The following MYRFL variants were observed in gnomAD, a reference collection of about 807,000 sequenced individuals.
MYRFL encodes myelin regulatory factor like, also known as myelin regulatory factor-like protein.
In MYRFL, 88 loss-of-function variants were observed where a neutral mutation model predicts 109.4. The observed-to-expected ratio is 0.80, with a 90% CI of 0.68 to 0.96. The LOEUF is 0.96. Ranked by LOEUF, MYRFL falls within the 40% of genes least tolerant of loss-of-function variation. The probability of loss-of-function intolerance (pLI) is 0.00; values close to 1 mark genes in which losing one functional copy is unlikely to be tolerated. For missense variants in MYRFL, 957 were observed against 954.9 expected, an observed-to-expected ratio of 1.00 and a Z score of -0.03; for synonymous variants, 324 against 320.9, an observed-to-expected ratio of 1.01 and a Z score of -0.10.
chr12:69,879,425 C>T lies in MYRFL; in HGVS notation c.436C>T (p.Pro146Ser), dbSNP rs1448026498. ...SSHLGIGCSY[P>S]QQPLCHSPGA... ...CCATCTGGGGATAGGTTGTTCTTAC[C>T]CTCAGCAGCCTCTGTGTCACAGCCC... The change falls in exon 4 of 25, where the codon CCT becomes TCT. Residue 146 changes from proline (P) to serine (S), a missense_variant. By Grantham distance (74) the Pro-to-Ser change is moderately conservative. Coordinates refer to ENST00000552032, the MANE Select transcript of MYRFL (RefSeq NM_182530.3). 7.1e-6 allele frequency: 5 copies of T among 702,722 alleles called. No homozygotes were observed. Among genetic ancestry groups the T allele is most frequent in the Middle Eastern group, 2.3e-4 (1 of 4,362 alleles). 43.5% of individuals were successfully genotyped at this position (702,722 alleles called of 1,614,324 possible).
intron 14 of MYRFL, among the ~76,000 whole-genome samples, chr12:69,926,958 T>TTTTTTTTTTTTTTTC (rs1463613530): frequency 7.3e-6 from 1 of 137,926 alleles, no homozygotes; most frequent in Non-Finnish European, 1.6e-5. Context: ...TTTTTTTTTT[T>TTTTTTTTTTTTTTTC]TTTGAGCCTG....
chr12:69,956,304 A>G (rs1592907113), intron 22 of MYRFL, among the ~76,000 whole-genome samples: 1 of 152,130 alleles, frequency 6.6e-6, no homozygotes, highest in Admixed American at 6.5e-5. Flanking sequence ...CAGTGAGATG[A>G]GACATGTAAG....
At position 69,836,817 on chromosome 12, in the gene MYRFL, T is replaced by C. The variant is rs143770759; in HGVS notation, c.46+11254T>C. ...TGAGGAGGTCAGGTCTGTGAAACAA[T>C]GCTCAGGACCTGTCCTCCCCTTTGC... On this transcript the variant is annotated intron_variant, in intron 1 of 24. Transcript: ENST00000552032. 5.4e-3 allele frequency among the ~76,000 whole-genome samples: 828 copies of C among 152,312 alleles called. 8 individuals are homozygous for C. Among genetic ancestry groups the C allele is most frequent in the African/African-American group, 0.019 (781 of 41,564 alleles).
chr12:69,937,133 C>CACAT (rs895902377), intron 19 of MYRFL, among the ~76,000 whole-genome samples: 2 of 152,050 alleles, frequency 1.3e-5, no homozygotes, highest in Admixed American at 6.6e-5. Flanking sequence ...GACACACACA[C>CACAT]ACATACATAC....
At chr12:69,840,773 T>C (rs1174599838) in intron 1 of MYRFL, among the ~76,000 whole-genome samples, 1 of 152,202 alleles carries the variant, frequency 6.6e-6, no homozygotes, top group African/African-American at 2.4e-5. Context: ...TTCTGGATGT[T>C]TTCTGCTGTT....
intron 1 of MYRFL, among the ~76,000 whole-genome samples, chr12:69,835,766 G>A (rs2136314736): frequency 6.6e-6 from 1 of 152,340 alleles, no homozygotes; most frequent in South Asian, 2.1e-4. Context: ...GACAGGGGCA[G>A]TGGCTCGCTT....
intron 19 of MYRFL, 48 bp downstream of exon 19, chr12:69,936,680 G>GTT: frequency 7.1e-7 from 1 of 1,416,746 alleles, no homozygotes; most frequent in Non-Finnish European, 9.2e-7. Context: ...ACTTGAGGTT[G>GTT]TTTTTCTTGT....
intron 7 of MYRFL, 94 bp downstream of exon 7, chr12:69,891,260 A>C (rs1886781803): frequency 1.1e-6 from 1 of 934,692 alleles, no homozygotes; most frequent in Admixed American, 3.5e-5. Flanking sequence ...AAATGACTTA[A>C]AATAATAACA....
At chr12:69,849,915 T>C (rs1257945001) in intron 1 of MYRFL, among the ~76,000 whole-genome samples, 1 of 152,178 alleles carries the variant, frequency 6.6e-6, no homozygotes, top group Non-Finnish European at 1.5e-5. Context: ...GAAGGATATG[T>C]GGGTGGATGG....
At position 69,855,333 on chromosome 12, in the gene MYRFL, G is replaced by T. The variant is rs193116966; in HGVS notation, c.100G>T (p.Glu34Ter). The T allele has an allele frequency of 7.1e-6, 5 of 702,598 alleles. No homozygotes were observed. The East Asian group carries it at 1.3e-4, about 19-fold the overall frequency. 43.5% of individuals were successfully genotyped at this position (702,598 alleles called of 1,614,324 possible). Reference sequence around the variant, plus strand: ...CCCAGCCCTGGACACAAGTCTGTTGGAGGAATTTCTGGGCAATGACTTTGA... The same window carrying T: ...CCCAGCCCTGGACACAAGTCTGTTGTAGGAATTTCTGGGCAATGACTTTGA... ...ENPALDTSLL[E>*]EFLGNDFDLG... Residue 34 changes from glutamate to a stop codon, truncating the protein, a stop_gained, in exon 2 of 25, where the codon GAG (glutamate) becomes TAG (stop). Transcript: ENST00000552032. LOFTEE classifies it high-confidence loss of function.
In MYRFL at chr12:69,936,320, A is replaced by G. The variant is rs1393513527; in HGVS notation, c.2029A>G (p.Thr677Ala). Residue 677 changes from threonine (T) to alanine (A), a missense_variant, in exon 18 of 25, where the codon ACA becomes GCA. Coordinates refer to ENST00000552032, the MANE Select transcript of MYRFL (RefSeq NM_182530.3). Reference sequence around the variant, plus strand: ...CTCACAGGAGCCAGCTCTGCTGCCCACAGCCTCCTCCTCAGGTAAAGGCTT... The same window carrying G: ...CTCACAGGAGCCAGCTCTGCTGCCCGCAGCCTCCTCCTCAGGTAAAGGCTT... ...TSSQEPALLP[T>A]ASSSAPNTSL... The G allele has an allele frequency of 6.5e-7, 1 of 1,536,144 alleles. No individual in the cohort carries two copies. Among genetic ancestry groups the G allele is most frequent in the Non-Finnish European group, 8.7e-7 (1 of 1,146,928 alleles).
intron 1 of MYRFL, among the ~76,000 whole-genome samples, chr12:69,836,588 G>A (rs1489165393): frequency 6.6e-6 from 1 of 152,186 alleles, no homozygotes; most frequent in Non-Finnish European, 1.5e-5. Flanking sequence ...CTGTTAGCAT[G>A]AGCAGGCTAA....
intron 2 of MYRFL, among the ~76,000 whole-genome samples, chr12:69,861,253 G>T (rs1049005668): frequency 1.3e-5 from 2 of 151,906 alleles, no homozygotes; most frequent in Non-Finnish European, 2.9e-5. Flanking sequence ...AGTCCTTTGG[G>T]TATATACCCA....
chr12:69,841,843 T>C (rs1305033118), intron 1 of MYRFL, among the ~76,000 whole-genome samples: 2 of 152,218 alleles, frequency 1.3e-5, no homozygotes, highest in African/African-American at 4.8e-5. Flanking sequence ...CAGAAACTAA[T>C]GGTAATGACA....
chr12:69,906,986 C>G (rs1228537700), intron 11 of MYRFL, among the ~76,000 whole-genome samples: 1 of 152,122 alleles, frequency 6.6e-6, no homozygotes, highest in African/African-American at 2.4e-5. Context: ...AAGCAGACAC[C>G]CAAATTCAGT....
At chr12:69,837,892 G>A (rs555111134) in intron 1 of MYRFL, among the ~76,000 whole-genome samples, 1 of 152,304 alleles carries the variant, frequency 6.6e-6, no homozygotes, top group African/African-American at 2.4e-5. Flanking sequence ...CACCTGGAAG[G>A]AGGGAACTAT....
intron 1 of MYRFL, among the ~76,000 whole-genome samples, chr12:69,854,521 C>T (rs147078121): frequency 1.3e-5 from 2 of 152,134 alleles, no homozygotes; most frequent in South Asian, 4.2e-4. Context: ...GTAGCTGGGA[C>T]TACAGGCACA....
chr12:69,892,014 C>T (rs1040926478), intron 7 of MYRFL, among the ~76,000 whole-genome samples: 2 of 152,106 alleles, frequency 1.3e-5, no homozygotes, highest in African/African-American at 4.8e-5. Context: ...CAGAAAATGG[C>T]ACGGCATCAT....
chr12:69,892,921 T>C (rs1398615423), intron 7 of MYRFL, among the ~76,000 whole-genome samples: 2 of 152,234 alleles, frequency 1.3e-5, no homozygotes, highest in Middle Eastern at 3.2e-3. Flanking sequence ...TCACATTATA[T>C]GATATTAGTA....
Sources: allele counts gnomAD v4.1 joint callset (sites outside exome capture counted in the v4.1 genomes callset), GRCh38; gene constraint gnomAD v4.1.1; transcripts MANE v1.5; gene names NCBI Gene and HGNC (gene_info 2026-07-23, HGNC 2026-07-21).